The following SDR42E1 variants were observed in gnomAD, a reference collection of about 807,000 sequenced individuals.
SDR42E1 encodes the protein short-chain dehydrogenase/reductase family 42E member 1.
Under a neutral mutation model 2.6 loss-of-function variants are expected in SDR42E1, and 5 were observed. The observed-to-expected ratio is 1.94, with a 90% confidence interval of 1.01 to 4.08. The LOEUF (loss-of-function observed/expected upper bound fraction) is 4.08. SDR42E1 is among the 30% of genes most tolerant of loss of function. The pLI is 0.00. For missense variants in SDR42E1, 596 were observed against 478.6 expected (o/e 1.25, Z -2.29); for synonymous variants, 231 against 188.3 (o/e 1.23, Z -1.86).
intron 1 of SDR42E1, among the ~76,000 whole-genome samples, chr16:82,008,108 A>G (rs578214966): frequency 1.8e-4 from 27 of 152,280 alleles, no homozygotes; most frequent in African/African-American, 4.8e-4. Flanking sequence ...AAATTCCCCT[A>G]CACAAACTCT....
chr16:82,000,283 G>C, intron 2 of SDR42E1, 59 bp from the exon 3 acceptor site: 2 of 1,589,998 alleles, frequency 1.3e-6, no homozygotes, highest in Non-Finnish European at 1.7e-6. Flanking sequence ...CCTAGGGGAA[G>C]TGTATAAAGT....
rs918350862 is a variant in SDR42E1 at position 81,990,547 on chromosome 16, A to G, written c.*8564T>C. 1 of 152,182 alleles carries G rather than the reference A, an allele frequency of 6.6e-6. No individual in the cohort carries two copies. Among genetic ancestry groups the G allele is most frequent in the Non-Finnish European group, 1.5e-5 (1 of 68,056 alleles). 9.4% of individuals were successfully genotyped at this position (152,182 alleles called of 1,614,324 possible). A position where few individuals can be genotyped will look rare whatever the true frequency, so the allele number is the denominator to read the frequency against. ...CCCTTCCATCTTTCCCAGCAGAAAC[A>G]CTATTAATTAAGGATCCATGTGCAT... On this transcript the variant is annotated 3_prime_UTR_variant, in exon 3 of 3. Transcript: ENST00000328945.
rs1200871447 is a variant in SDR42E1, at chr16:81,997,027, A to G, written c.*2084T>C. On this transcript the variant is annotated 3_prime_UTR_variant, in exon 3 of 3. Transcript: ENST00000328945. The stretch of plus-strand genomic sequence containing the variant: ...GTAAGGCTTCTAAGAAGCACAGCGT[A>G]TTGTCCCTTGGCAGTCTGAGCAGAA... 6.6e-6 allele frequency: 1 copy of G among 152,222 alleles called. No individual in the cohort carries two copies. The highest frequency in any genetic ancestry group is 1.5e-5 in the Non-Finnish European group (1 of 68,046). The allele number at this position is 152,222 out of a possible 1,614,324, so 9.4% of individuals were successfully genotyped here. A position where few individuals can be genotyped will look rare whatever the true frequency, so the allele number is the denominator to read the frequency against.
In SDR42E1 at chr16:81,998,080, A is replaced by G. The variant is rs1912590487; in HGVS notation, c.*1031T>C. ...CAACAGTGTAACTGGATCATCTGTA[A>G]CAGTTTGTGGGTGGCCAGACAGTGC... is the stretch of plus-strand genomic sequence containing the variant. On this transcript the variant is annotated 3_prime_UTR_variant, in exon 3 of 3. Coordinates refer to ENST00000328945, the MANE Select transcript of SDR42E1 (RefSeq NM_145168.3). 6.6e-6 allele frequency: 1 copy of G among 152,224 alleles called. No homozygotes were observed. The highest frequency in any genetic ancestry group is 2.4e-5 in the African/African-American group (1 of 41,454). The allele number at this position is 152,224 out of a possible 1,614,324, so 9.4% of individuals were successfully genotyped here.
At chr16:82,009,481 C>G (rs1022371820) in intron 1 of SDR42E1, among the ~76,000 whole-genome samples, 5 of 152,218 alleles carry the variant, frequency 3.3e-5, no homozygotes, top group Admixed American at 2.0e-4. Context: ...GACACGGAGT[C>G]AAAGGAGGTC....
rs917753190 is a variant in SDR42E1 at position 81,993,737 on chromosome 16, T to G, written c.*5374A>C. On this transcript the variant is annotated 3_prime_UTR_variant, in exon 3 of 3. Coordinates refer to ENST00000328945, the MANE Select transcript of SDR42E1 (RefSeq NM_145168.3). Reference sequence around the variant, plus strand: ...GGTACAGAAGTAGAAAAAACAGACATGGTTCCTGCTCTCATGGGGCGTTTA... The same window carrying G: ...GGTACAGAAGTAGAAAAAACAGACAGGGTTCCTGCTCTCATGGGGCGTTTA... 2.0e-5 allele frequency: 3 copies of G among 152,190 alleles called. No homozygotes were observed. Among genetic ancestry groups the G allele is most frequent in the African/African-American group, 7.2e-5 (3 of 41,440 alleles). 9.4% of individuals were successfully genotyped at this position (152,190 alleles called of 1,614,324 possible). A position where few individuals can be genotyped will look rare whatever the true frequency, so the allele number is the denominator to read the frequency against.
rs569278421 is a variant in SDR42E1 at position 81,996,106 on chromosome 16, G to C, written c.*3005C>G. The C allele has an allele frequency of 2.6e-5, 4 of 152,356 alleles. No homozygotes were observed. The East Asian group carries it at 5.8e-4, about 22-fold the overall frequency. 9.4% of individuals were successfully genotyped at this position (152,356 alleles called of 1,614,324 possible). A position where few individuals can be genotyped will look rare whatever the true frequency, so the allele number is the denominator to read the frequency against. ...ATGTGAGATGAAGTTAGAGAGACAGGCAAGGGGCCAGTTCAGACAAAGCCT... is the reference window on the plus strand; with the variant it reads ...ATGTGAGATGAAGTTAGAGAGACAGCCAAGGGGCCAGTTCAGACAAAGCCT... On this transcript the variant is annotated 3_prime_UTR_variant, in exon 3 of 3. Transcript: ENST00000328945.
chr16:82,008,315 C>T (rs145317436), intron 1 of SDR42E1, among the ~76,000 whole-genome samples: 1 of 152,150 alleles, frequency 6.6e-6, no homozygotes, highest in Admixed American at 6.5e-5. Flanking sequence ...TGGGGTGCTA[C>T]TGTAAAGATA....
In SDR42E1 at chr16:81,995,444, T is replaced by G. The variant is rs1188972221; in HGVS notation, c.*3667A>C. On this transcript the variant is annotated 3_prime_UTR_variant, in exon 3 of 3. Transcript: ENST00000328945. ...CTTTCAGGAAATAGACTAAGTCTTT[T>G]AAAGTGGTGAGTTTTCAGCTGAGAT... 1 of 152,212 alleles carries G rather than the reference T, an allele frequency of 6.6e-6. No homozygotes were observed. Among genetic ancestry groups the G allele is most frequent in the African/African-American group, 2.4e-5 (1 of 41,438 alleles). 9.4% of individuals were successfully genotyped at this position (152,212 alleles called of 1,614,324 possible).
rs531813448 is a variant in SDR42E1, at chr16:81,999,833, G to C, written c.460C>G (p.Arg154Gly). 6.2e-7 allele frequency: 1 copy of C among 1,614,190 alleles called. No homozygotes were observed. Among genetic ancestry groups the C allele is most frequent in the Non-Finnish European group, 8.5e-7 (1 of 1,180,042 alleles). The stretch of plus-strand genomic sequence containing the variant: ...TTCTGCTCTGCAATTGACTTTGTCC[G>C]AGAGTAGTGATCAGGGTGGAGGTGA... ...PLHLHPDHYS[R>G]TKSIAEQKVL... Residue 154 changes from arginine (R) to glycine (G), a missense_variant, in exon 3 of 3, where the codon CGG (arginine) becomes GGG (glycine). Arg to Gly is a moderately radical substitution (Grantham distance 125). Coordinates refer to ENST00000328945, the MANE Select transcript of SDR42E1 (RefSeq NM_145168.3).
At chr16:82,010,254 C>G (rs137883401) in intron 1 of SDR42E1, among the ~76,000 whole-genome samples, 1 of 152,194 alleles carries the variant, frequency 6.6e-6, no homozygotes, top group Non-Finnish European at 1.5e-5. Context: ...GTATTATCAT[C>G]AGCTTTCAGA....
chr16:82,001,419 A>T (rs917108206), intron 1 of SDR42E1, among the ~76,000 whole-genome samples: 12 of 152,070 alleles, frequency 7.9e-5, no homozygotes, highest in African/African-American at 2.9e-4. Context: ...GTAGCAAACC[A>T]TGCCCCACCT....
Position 81,995,912 on chromosome 16 carries a change from G to A in SDR42E1, c.*3199C>T, listed in dbSNP as rs1912531111. On this transcript the variant is annotated 3_prime_UTR_variant, in exon 3 of 3. Transcript: ENST00000328945. ...AGGCCTGTAGCATCATTTGTAGCAG[G>A]AGCACCAATCTTAAATTGCTGGGAT... The A allele has an allele frequency of 6.6e-6, 1 of 152,194 alleles. No individual in the cohort carries two copies. Among genetic ancestry groups the A allele is most frequent in the Non-Finnish European group, 1.5e-5 (1 of 68,050 alleles). 9.4% of individuals were successfully genotyped at this position (152,194 alleles called of 1,614,324 possible).
In SDR42E1 at chr16:81,995,629, A is replaced by G. The variant is rs1912524420; in HGVS notation, c.*3482T>C. Reference sequence around the variant, plus strand: ...ACGACAGTTCTAGTGTAGGTTGGCTATTTTCCCCAGTCTCCAAAAGATTAG... The same window carrying G: ...ACGACAGTTCTAGTGTAGGTTGGCTGTTTTCCCCAGTCTCCAAAAGATTAG... On this transcript the variant is annotated 3_prime_UTR_variant, in exon 3 of 3. Coordinates refer to ENST00000328945, the MANE Select transcript of SDR42E1 (RefSeq NM_145168.3). The G allele has an allele frequency of 6.6e-6, 1 of 152,170 alleles. No individual in the cohort carries two copies. Among genetic ancestry groups the G allele is most frequent in the African/African-American group, 2.4e-5 (1 of 41,446 alleles). 9.4% of individuals were successfully genotyped at this position (152,170 alleles called of 1,614,324 possible).
In SDR42E1 at chr16:81,999,500, A is replaced by T; in HGVS notation, c.793T>A (p.Phe265Ile). The change falls in exon 3 of 3, where the codon TTC (phenylalanine) becomes ATC (isoleucine). Residue 265 changes from phenylalanine to isoleucine, a missense_variant. Transcript: ENST00000328945. ...AGGCCCTCAACCAGAGGCCGGAAGA[A>T]CTCAAAGTTGTTCACGGGTCTGCCA... is the stretch of plus-strand genomic sequence containing the variant. ...SDGRPVNNFE[F>I]FRPLVEGLGY... The T allele has an allele frequency of 6.2e-7, 1 of 1,614,120 alleles. No homozygotes were observed. Among genetic ancestry groups the T allele is most frequent in the Non-Finnish European group, 8.5e-7 (1 of 1,180,010 alleles).
chr16:82,010,010 C>A (rs1304179183), intron 1 of SDR42E1, among the ~76,000 whole-genome samples: 4 of 152,208 alleles, frequency 2.6e-5, no homozygotes, highest in Non-Finnish European at 4.4e-5. Context: ...CCTACACAAG[C>A]TCTCTTGCCT....
rs371520467 is a variant in SDR42E1 at position 81,999,533 on chromosome 16, T to C, written c.760A>G (p.Ile254Val). ...GHIASGQPYF[I>V]SDGRPVNNFE... ...TTGTTCACGGGTCTGCCATCTGAGA[T>C]GAAGTAGGGCTGCCCAGAGGCAATA... Residue 254 changes from isoleucine to valine, a missense_variant, in exon 3 of 3, where the codon ATC becomes GTC. Ile to Val is a conservative substitution (Grantham distance 29, BLOSUM62 3). Transcript: ENST00000328945. 9.3e-6 allele frequency: 15 copies of C among 1,613,968 alleles called. No homozygotes were observed. The African/African-American group carries it at 1.7e-4, about 19-fold the overall frequency.
chr16:82,003,594 G>A (rs575747401), intron 1 of SDR42E1, among the ~76,000 whole-genome samples: 3 of 152,248 alleles, frequency 2.0e-5, no homozygotes, highest in East Asian at 3.9e-4. Flanking sequence ...GTGACACATC[G>A]TATACTAGGT....
chr16:81,992,900 T>TA lies in SDR42E1; in HGVS notation c.*6210dup, dbSNP rs2143829152. On this transcript the variant is annotated 3_prime_UTR_variant, in exon 3 of 3. Transcript: ENST00000328945. ...TAACATGGTATGAATTTGCACAACT[T>TA]AGAGATACCAGGGACTGGTTGACTC... The TA allele has an allele frequency of 6.6e-6, 1 of 152,184 alleles. No homozygotes were observed. The highest frequency in any genetic ancestry group is 2.1e-4 in the South Asian group (1 of 4,814). The allele number at this position is 152,184 out of a possible 1,614,324, so 9.4% of individuals were successfully genotyped here.
Sources: allele counts gnomAD v4.1 joint callset (sites outside exome capture counted in the v4.1 genomes callset), GRCh38; gene constraint gnomAD v4.1.1; transcripts MANE v1.5; gene names NCBI Gene and HGNC (gene_info 2026-07-23, HGNC 2026-07-21).